The following XKR8 variants were observed in gnomAD, a reference collection of about 807,000 sequenced individuals.
The protein encoded by XKR8 is XK related 8.
In XKR8, 10 loss-of-function variants were observed where a neutral mutation model predicts 17.1. The ratio of observed to expected loss-of-function variants is 0.59; its 90% CI spans 0.36 to 0.99. The LOEUF (loss-of-function observed/expected upper bound fraction) is 0.99. Among genes scored for constraint, XKR8 ranks in the 50% least tolerant of loss-of-function variants. The pLI, the probability that XKR8 is intolerant of heterozygous loss-of-function variation, is 0.01. For synonymous variants in XKR8, 213 were observed against 251.9 expected (o/e 0.85, Z 1.46); for missense variants, 411 against 515.6 (o/e 0.80, Z 1.96).
Position 27,966,439 on chromosome 1 carries a change from T to C in XKR8, c.491-64T>C, listed in dbSNP as rs2148687780. 6.6e-6 allele frequency: 10 copies of C among 1,507,002 alleles called. No homozygotes were observed. The highest frequency in any genetic ancestry group is 9.0e-6 in the Non-Finnish European group (10 of 1,108,900). 93.4% of individuals were successfully genotyped at this position (1,507,002 alleles called of 1,614,324 possible). Reference sequence around the variant, plus strand: ...GCTGGGAGGGCCCCCACGGTACCTGTGACCGCTGGGGAGTGCCAAGCAGGC... The same window carrying C: ...GCTGGGAGGGCCCCCACGGTACCTGCGACCGCTGGGGAGTGCCAAGCAGGC... On this transcript the variant is annotated intron_variant, in intron 2 of 2. Coordinates refer to ENST00000373884, the MANE Select transcript of XKR8 (RefSeq NM_018053.4). This position sits in a 1 kb window ranked among gnomAD's most constrained non-coding sequence, Gnocchi z 4.3.
rs965956906 is a variant in XKR8, at chr1:27,960,641, G to T, written c.293+279G>T. On this transcript the variant is annotated intron_variant, in intron 1 of 2. Coordinates refer to ENST00000373884, the MANE Select transcript of XKR8 (RefSeq NM_018053.4). The surrounding 1 kb of genome is among the most constrained non-coding windows in gnomAD (Gnocchi z 5.9). ...GGGCTTTGAAGTCGGACCTCTCAGG[G>T]ATCCACTTCTGGCTTTGCCCCCTCT... Among the ~76,000 whole-genome samples, 3 of 152,188 alleles carry T rather than the reference G, an allele frequency of 2.0e-5. No homozygotes were observed.
chr1:27,967,010 T>C lies in XKR8; in HGVS notation c.998T>C (p.Leu333Pro). 6.2e-7 allele frequency: 1 copy of C among 1,614,138 alleles called. No individual in the cohort carries two copies. The highest frequency in any genetic ancestry group is 8.5e-7 in the Non-Finnish European group (1 of 1,180,018). ...GCGCFFLGLALRLVYYHWLHP... is the reference protein window; with the variant it reads ...GCGCFFLGLAPRLVYYHWLHP... ...GGCTGCTTCTTTCTGGGCCTGGCTC[T>C]GCGGCTTGTGTACTACCACTGGCTG... The change falls in exon 3 of 3, where the codon CTG becomes CCG. Residue 333 changes from leucine to proline, a missense_variant. Coordinates refer to ENST00000373884, the MANE Select transcript of XKR8 (RefSeq NM_018053.4). The surrounding 1 kb of genome is among the most constrained non-coding windows in gnomAD (Gnocchi z 4.3).
Position 27,960,309 on chromosome 1 carries a change from C to T in XKR8, c.240C>T (p.Pro80=), listed in dbSNP as rs1402525737. Reference sequence around the variant, plus strand: ...CTGCCGGCCTGCACGGGTCGCAGCCCCCGCGCCGCTGCCTGGCGCTGCTGC... The same window carrying T: ...CTGCCGGCCTGCACGGGTCGCAGCCTCCGCGCCGCTGCCTGGCGCTGCTGC... ...ADPAGLHGSQ[P]PRRCLALLHL... The change falls in exon 1 of 3, where the codon CCC becomes CCT. Residue 80 remains proline, a synonymous_variant. Coordinates refer to ENST00000373884, the MANE Select transcript of XKR8 (RefSeq NM_018053.4). This position sits in a 1 kb window ranked among gnomAD's most constrained non-coding sequence, Gnocchi z 5.9. 1.0e-5 allele frequency: 15 copies of T among 1,438,046 alleles called. No individual in the cohort carries two copies. The highest frequency in any genetic ancestry group is 6.0e-5 in the African/African-American group (4 of 67,100). 89.1% of individuals were successfully genotyped at this position (1,438,046 alleles called of 1,614,324 possible). A position where few individuals can be genotyped will look rare whatever the true frequency, so the allele number is the denominator to read the frequency against.
chr1:27,966,867 C>T lies in XKR8; in HGVS notation c.855C>T (p.Ala285=), dbSNP rs762315142. The T allele has an allele frequency of 6.2e-7, 1 of 1,614,210 alleles. No homozygotes were observed. The highest frequency in any genetic ancestry group is 1.1e-5 in the South Asian group (1 of 91,086). The part of the protein sequence containing the change: ...NVAEGRTRGR[A]IIHFAFLLSD... ...CTGAGGGCCGCACCCGAGGCCGGGC[C>T]ATCATCCACTTCGCCTTCCTCCTGA... Residue 285 remains alanine (A), a synonymous_variant, in exon 3 of 3, where the codon GCC becomes GCT. Coordinates refer to ENST00000373884, the MANE Select transcript of XKR8 (RefSeq NM_018053.4). This position sits in a 1 kb window ranked among gnomAD's most constrained non-coding sequence, Gnocchi z 4.3.
rs1638582578 is a variant in XKR8 at position 27,966,813 on chromosome 1, C to G, written c.801C>G (p.Thr267=). The change falls in exon 3 of 3, where the codon ACC becomes ACG. Residue 267 remains threonine (T), a synonymous_variant. Transcript: ENST00000373884. This position sits in a 1 kb window ranked among gnomAD's most constrained non-coding sequence, Gnocchi z 4.3. ...GGCTGTACCGGGTGACGGTGGCCACCATCCTCTATTTCTCCTGGTTCAACG... is the reference window on the plus strand; with the variant it reads ...GGCTGTACCGGGTGACGGTGGCCACGATCCTCTATTTCTCCTGGTTCAACG... ...SEWLYRVTVA[T]ILYFSWFNVA... 6.2e-7 allele frequency: 1 copy of G among 1,613,766 alleles called. No homozygotes were observed. The highest frequency in any genetic ancestry group is 8.5e-7 in the Non-Finnish European group (1 of 1,179,938).
intron 2 of XKR8, 117 bp downstream of exon 2, chr1:27,963,810 A>C: frequency 9.0e-7 from 1 of 1,106,462 alleles, no homozygotes; most frequent in Non-Finnish European, 1.3e-6. Context: ...AACAGGCTTT[A>C]GTCAGGCAGA....
chr1:27,963,720 C>G (rs4373781), intron 2 of XKR8, 27 bp downstream of exon 2: 1,413,644 of 1,495,326 alleles, frequency 0.95, 670,974 homozygotes, highest in Non-Finnish European at 0.97. Flanking sequence ...GGCTGGCCCC[C>G]CTGTCGTGGC....
chr1:27,962,134 G>A (rs1486468891), intron 1 of XKR8, among the ~76,000 whole-genome samples: 3 of 152,188 alleles, frequency 2.0e-5, no homozygotes, highest in African/African-American at 4.8e-5. Flanking sequence ...TTGCCCACAG[G>A]ACCCCAGGAG....
At position 27,960,236 on chromosome 1, in the gene XKR8, C is replaced by T; in HGVS notation, c.167C>T (p.Ala56Val). 1 of 1,526,794 alleles carries T rather than the reference C, an allele frequency of 6.5e-7. No homozygotes were observed. Among genetic ancestry groups the T allele is most frequent in the Non-Finnish European group, 8.7e-7 (1 of 1,143,776 alleles). The allele number at this position is 1,526,794 out of a possible 1,614,324, so 94.6% of individuals were successfully genotyped here. A position where few individuals can be genotyped will look rare whatever the true frequency, so the allele number is the denominator to read the frequency against. ...AALVLALLGLASVALQLFSWL... is the reference protein window; with the variant it reads ...AALVLALLGLVSVALQLFSWL... ...CTGGTGCTGGCGCTGCTGGGCCTGG[C>T]CTCCGTGGCGCTGCAGCTCTTCAGC... Residue 56 changes from alanine (A) to valine (V), a missense_variant, in exon 1 of 3, where the codon GCC becomes GTC. Transcript: ENST00000373884. The surrounding 1 kb of genome is among the most constrained non-coding windows in gnomAD (Gnocchi z 5.9).
rs1343383623 is a variant in XKR8, at chr1:27,960,326, C to G, written c.257C>G (p.Ala86Gly). The G allele has an allele frequency of 7.0e-7, 1 of 1,423,188 alleles. No individual in the cohort carries two copies. Among genetic ancestry groups the G allele is most frequent in the East Asian group, 2.8e-5 (1 of 35,984 alleles). The allele number at this position is 1,423,188 out of a possible 1,614,324, so 88.2% of individuals were successfully genotyped here. ...HGSQPPRRCLALLHLLQLGYL... is the reference protein window; with the variant it reads ...HGSQPPRRCLGLLHLLQLGYL... ...TCGCAGCCCCCGCGCCGCTGCCTGG[C>G]GCTGCTGCATCTCCTGCAGCTGGGT... is the stretch of plus-strand genomic sequence containing the variant. The change falls in exon 1 of 3, where the codon GCG becomes GGG. Residue 86 changes from alanine to glycine, a missense_variant. Transcript: ENST00000373884. This position sits in a 1 kb window ranked among gnomAD's most constrained non-coding sequence, Gnocchi z 5.9.
intron 2 of XKR8, chr1:27,964,183 AGAGAC>A: frequency 1.5e-5 from 1 of 64,652 alleles, no homozygotes; most frequent in African/African-American, 6.1e-5. Context: ...TTTTTTTTGT[AGAGAC>A]GAGGTCCCAC....
At chr1:27,963,721 C>G in intron 2 of XKR8, 28 bp downstream of exon 2, 1 of 1,486,448 alleles carries the variant, frequency 6.7e-7, no homozygotes. Context: ...GCTGGCCCCC[C>G]TGTCGTGGCT....
In XKR8 at chr1:27,960,140, T is replaced by A; in HGVS notation, c.71T>A (p.Leu24Gln). 6.6e-7 allele frequency: 1 copy of A among 1,522,456 alleles called. No homozygotes were observed. Among genetic ancestry groups the A allele is most frequent in the Non-Finnish European group, 8.8e-7 (1 of 1,142,140 alleles). 94.3% of individuals were successfully genotyped at this position (1,522,456 alleles called of 1,614,324 possible). ...VLGVLGTAAF[L>Q]LDLGTDLWAA... ...GGCGTGCTGGGCACCGCCGCCTTCCTGCTCGACCTGGGCACCGACCTGTGG... is the reference window on the plus strand; with the variant it reads ...GGCGTGCTGGGCACCGCCGCCTTCCAGCTCGACCTGGGCACCGACCTGTGG... The change falls in exon 1 of 3, where the codon CTG (leucine) becomes CAG (glutamine). Residue 24 changes from leucine (L) to glutamine (Q), a missense_variant. Coordinates refer to ENST00000373884, the MANE Select transcript of XKR8 (RefSeq NM_018053.4). This position sits in a 1 kb window ranked among gnomAD's most constrained non-coding sequence, Gnocchi z 5.9.
intron 1 of XKR8, among the ~76,000 whole-genome samples, chr1:27,963,232 G>T (rs1638503303): frequency 6.6e-6 from 1 of 152,336 alleles, no homozygotes; most frequent in Admixed American, 6.5e-5. Context: ...ATGTTAGCCA[G>T]GATGGTCTCA....
Position 27,967,227 on chromosome 1 carries a change from C to T in XKR8, c.*27C>T. Reference sequence around the variant, plus strand: ...TGAACGGCGTCCTTTGAAGCAGGATCAGACCCAGCCAGCAGAGATGGAGAG... The same window carrying T: ...TGAACGGCGTCCTTTGAAGCAGGATTAGACCCAGCCAGCAGAGATGGAGAG... On this transcript the variant is annotated 3_prime_UTR_variant, in exon 3 of 3. Coordinates refer to ENST00000373884, the MANE Select transcript of XKR8 (RefSeq NM_018053.4). The surrounding 1 kb of genome is among the most constrained non-coding windows in gnomAD (Gnocchi z 4.3). 6.6e-7 allele frequency: 1 copy of T among 1,523,426 alleles called. No individual in the cohort carries two copies. The highest frequency in any genetic ancestry group is 8.8e-7 in the Non-Finnish European group (1 of 1,136,590). 94.4% of individuals were successfully genotyped at this position (1,523,426 alleles called of 1,614,324 possible).
At position 27,963,589 on chromosome 1, in the gene XKR8, A is replaced by C; in HGVS notation, c.386A>C (p.Asp129Ala). 1 of 1,614,180 alleles carries C rather than the reference A, an allele frequency of 6.2e-7. No homozygotes were observed. Among genetic ancestry groups the C allele is most frequent in the Non-Finnish European group, 8.5e-7 (1 of 1,180,036 alleles). ...DLAYADFLALDISMLRLFETF... is the reference protein window; with the variant it reads ...DLAYADFLALAISMLRLFETF... ...GCCTACGCCGACTTCCTCGCCCTGGACATCAGCATGCTGCGGCTCTTCGAG... is the reference window on the plus strand; with the variant it reads ...GCCTACGCCGACTTCCTCGCCCTGGCCATCAGCATGCTGCGGCTCTTCGAG... Residue 129 changes from aspartate (D) to alanine (A), a missense_variant, in exon 2 of 3, where the codon GAC becomes GCC. Physicochemically the swap from Asp to Ala is moderately radical, Grantham distance 126. Transcript: ENST00000373884.
Position 27,967,382 on chromosome 1 carries a change from C to T in XKR8, c.*182C>T, listed in dbSNP as rs1638598785. On this transcript the variant is annotated 3_prime_UTR_variant, in exon 3 of 3. Transcript: ENST00000373884. The surrounding 1 kb of genome is among the most constrained non-coding windows in gnomAD (Gnocchi z 4.3). ...TGGTGCTGAGTCGGGCAGAGGCCTC[C>T]TTTCAAGGAGTTCACAGTGAACAAG... 3 of 605,394 alleles carry T rather than the reference C, an allele frequency of 5.0e-6. No individual in the cohort carries two copies. Among genetic ancestry groups the T allele is most frequent in the Non-Finnish European group, 8.1e-6 (3 of 368,426 alleles). The allele number at this position is 605,394 out of a possible 1,614,324, so 37.5% of individuals were successfully genotyped here.
intron 1 of XKR8, among the ~76,000 whole-genome samples, chr1:27,962,435 C>T (rs1454036659): frequency 1.3e-5 from 2 of 152,080 alleles, no homozygotes; most frequent in Non-Finnish European, 2.9e-5. Context: ...TGTGGTGGCG[C>T]ATGCCTGTAA....
In XKR8 at chr1:27,965,084, C is replaced by T. The variant is rs1638543213; in HGVS notation, c.490+1391C>T. On this transcript the variant is annotated intron_variant, in intron 2 of 2. Coordinates refer to ENST00000373884, the MANE Select transcript of XKR8 (RefSeq NM_018053.4). The surrounding 1 kb of genome is among the most constrained non-coding windows in gnomAD (Gnocchi z 4.1). ...AGGCCCTGTGGGAAGCACTTACAGT[C>T]ATCATTGCTCATGTTCACAGCAGCC... Among the ~76,000 whole-genome samples the T allele has an allele frequency of 6.6e-6, 1 of 152,184 alleles. No homozygotes were observed.
Sources: allele counts gnomAD v4.1 joint callset (sites outside exome capture counted in the v4.1 genomes callset), GRCh38; gene constraint gnomAD v4.1.1; non-coding constraint Gnocchi (gnomAD v3.1); transcripts MANE v1.5; gene names NCBI Gene and HGNC (gene_info 2026-07-23, HGNC 2026-07-21).